Variants in SSC5D observed in about 807,000 individuals in gnomAD.
SSC5D encodes scavenger receptor cysteine rich family member with 5 domains.
Under a neutral mutation model 104.6 loss-of-function variants are expected in SSC5D, and 106 were observed. The observed-to-expected ratio is 1.01, with a 90% CI of 0.87 to 1.19. The LOEUF is 1.19. Ranked by LOEUF, SSC5D falls within the 50% of genes most tolerant of loss-of-function variation. The pLI is 0.00. For synonymous variants in SSC5D, 860 were observed against 883.5 expected (o/e 0.97, Z 0.47); for missense variants, 1,993 against 2,153.8 (o/e 0.93, Z 1.48).
intron 13 of SSC5D, among the ~76,000 whole-genome samples, chr19:55,514,852 G>A (rs1257930485): frequency 6.6e-6 from 1 of 152,064 alleles, no homozygotes; most frequent in Non-Finnish European, 1.5e-5. Context: ...GGAGATACGC[G>A]GATCATCCAC....
At chr19:55,510,438 T>G (rs1987730513) in intron 12 of SSC5D, among the ~76,000 whole-genome samples, 1 of 152,238 alleles carries the variant, frequency 6.6e-6, no homozygotes, top group African/African-American at 2.4e-5. Flanking sequence ...AACTTCCGCC[T>G]CCCAGGTTCA....
At chr19:55,514,323 T>G (rs1158394129) in intron 13 of SSC5D, among the ~76,000 whole-genome samples, 1 of 151,554 alleles carries the variant, frequency 6.6e-6, no homozygotes, top group African/African-American at 2.4e-5. Context: ...GAGAATGGCG[T>G]GAACCCAGGA....
chr19:55,493,827 CG>C lies in SSC5D; in HGVS notation c.1129del (p.Glu377ArgfsTer59). 6.5e-7 allele frequency: 1 copy of C among 1,549,444 alleles called. No homozygotes were observed. ...TGGACGACCTTCGGTGTCGGGGAAA[CG>C]AGACGGCCTTACGATTCTGCCCAGC... Reference protein sequence around the residue: ...ILDDLRCRGNETALRFCPARP... With the variant: ...ILDDLRCRGNXTALRFCPARP... On this transcript the variant is annotated frameshift_variant, in exon 7 of 14. Coordinates refer to ENST00000389623, the MANE Select transcript of SSC5D (RefSeq NM_001144950.2). LOFTEE classifies it high-confidence loss of function.
intron 12 of SSC5D, among the ~76,000 whole-genome samples, chr19:55,504,833 G>A (rs1987602733): frequency 6.6e-6 from 1 of 152,146 alleles, no homozygotes; most frequent in Non-Finnish European, 1.5e-5. Flanking sequence ...TGGGGCGCCA[G>A]GGTTGTTGGA....
Position 55,517,240 on chromosome 19 carries a change from G to A in SSC5D, c.2964G>A (p.Pro988=). The A allele has an allele frequency of 1.3e-6, 2 of 1,540,044 alleles. No individual in the cohort carries two copies. Among genetic ancestry groups the A allele is most frequent in the Admixed American group, 2.0e-5 (1 of 50,864 alleles). The stretch of plus-strand genomic sequence containing the variant: ...CTCCTCCAGGTTCCCCGAGGAAACC[G>A]TGGCCCGAGCGCCGGCCACCGCGGC... The part of the protein sequence containing the change: ...VHGDTGSPRK[P]WPERRPPRPA... Residue 988 remains proline, a synonymous_variant, in exon 14 of 14, where the codon CCG becomes CCA. Coordinates refer to ENST00000389623, the MANE Select transcript of SSC5D (RefSeq NM_001144950.2).
At chr19:55,507,339 CAAAAAAA>C (rs36021371) in intron 12 of SSC5D, among the ~76,000 whole-genome samples, 2 of 32,750 alleles carry the variant, frequency 6.1e-5, no homozygotes, top group African/African-American at 2.6e-4. Context: ...GACCCCGTCT[CAAAAAAA>C]AAAAAAAAAA....
intron 9 of SSC5D, among the ~76,000 whole-genome samples, chr19:55,499,354 C>G (rs1313061819): frequency 6.6e-6 from 1 of 152,226 alleles, no homozygotes. Flanking sequence ...CGGCTCTTCC[C>G]TCTGTCCCCG....
intron 12 of SSC5D, among the ~76,000 whole-genome samples, chr19:55,507,059 C>T (rs1355270108): frequency 4.6e-5 from 7 of 151,610 alleles, no homozygotes; most frequent in African/African-American, 1.5e-4. Context: ...ATCCCAGCTC[C>T]TCGGGAGGCT....
Position 55,500,446 on chromosome 19 carries a change from G to C in SSC5D, c.2302+34G>C, listed in dbSNP as rs1987457368. On this transcript the variant is annotated intron_variant, in intron 10 of 13. Transcript: ENST00000389623. The surrounding 1 kb of genome is among the most constrained non-coding windows in gnomAD (Gnocchi z 4.6). ...CCGTGAGGGGTGTGGGGAGAGAATG[G>C]GAGAGGCTGACCCTCCCTCCTGACC... 6.5e-7 allele frequency: 1 copy of C among 1,548,124 alleles called. No individual in the cohort carries two copies. Among genetic ancestry groups the C allele is most frequent in the Non-Finnish European group, 8.7e-7 (1 of 1,144,522 alleles).
rs1987579311 is a variant in SSC5D, at chr19:55,504,002, C to T, written c.2785+2801C>T. ...AGCTGGGCGAAGGGCAACCAGGCCC[C>T]AAGAAGCGGGCCTTGAGGTGGGGAA... On this transcript the variant is annotated intron_variant, in intron 12 of 13. Coordinates refer to ENST00000389623, the MANE Select transcript of SSC5D (RefSeq NM_001144950.2). 3.8e-6 allele frequency: 4 copies of T among 1,050,906 alleles called. 1 individual carries two copies. In the South Asian group the frequency reaches 6.5e-5, roughly 17 times the overall value. The allele number at this position is 1,050,906 out of a possible 1,614,324, so 65.1% of individuals were successfully genotyped here. A position where few individuals can be genotyped will look rare whatever the true frequency, so the allele number is the denominator to read the frequency against.
intron 12 of SSC5D, among the ~76,000 whole-genome samples, chr19:55,512,620 TA>T: frequency 6.6e-6 from 1 of 152,156 alleles, no homozygotes. Context: ...TAGCTGGGAT[TA>T]TAGGCGTGTG....
chr19:55,517,806 C>T lies in SSC5D; in HGVS notation c.3530C>T (p.Thr1177Ile), dbSNP rs768916582. The change falls in exon 14 of 14, where the codon ACC becomes ATC. Residue 1177 changes from threonine (T) to isoleucine (I), a missense_variant. Around this residue, in one of 6 missense-constraint regions of SSC5D, gnomAD observed 30 missense variants for 52.4 expected, o/e 0.57. Transcript: ENST00000389623. ...CCTACTGTGACCCCTCACTTCCCTA[C>T]CACCCCTCACCCCACCACGACCCCT... The part of the protein sequence containing the change: ...LNPTVTPHFP[T>I]TPHPTTTPHP... 1.3e-6 allele frequency: 2 copies of T among 1,545,672 alleles called. No individual in the cohort carries two copies. The highest frequency in any genetic ancestry group is 1.2e-5 in the South Asian group (1 of 83,704).
chr19:55,493,994 G>GGGGGGGGGGGGGT lies in SSC5D; in HGVS notation c.1213+82_1213+83insGGGGGGGGGGGGT. The GGGGGGGGGGGGGT allele has an allele frequency of 1.4e-4, 20 of 143,310 alleles. 2 individuals are homozygous for GGGGGGGGGGGGGT. The highest frequency in any genetic ancestry group is 2.0e-4 in the Non-Finnish European group (14 of 69,488). 8.9% of individuals were successfully genotyped at this position (143,310 alleles called of 1,614,324 possible). A position where few individuals can be genotyped will look rare whatever the true frequency, so the allele number is the denominator to read the frequency against. On this transcript the variant is annotated intron_variant, in intron 7 of 13. Transcript: ENST00000389623. ...GGGCAAGTTCGGCGGGGGCGGGGGG[G>GGGGGGGGGGGGGT]TCCCTACGCGCCCTTCCTGCCCTCT...
At chr19:55,504,477 C>T (rs1028107523) in intron 12 of SSC5D, among the ~76,000 whole-genome samples, 4 of 151,942 alleles carry the variant, frequency 2.6e-5, no homozygotes, top group Non-Finnish European at 4.4e-5. Context: ...TCTTTGAGTC[C>T]CCGTTTCTTA....
intron 2 of SSC5D, 154 bp downstream of exon 2, chr19:55,489,186 C>A: frequency 1.0e-6 from 1 of 985,514 alleles, no homozygotes; most frequent in South Asian, 1.9e-5. Context: ...CCCCAGGTGT[C>A]TGGCCGCATC....
At chr19:55,509,732 G>T (rs1490557988) in intron 12 of SSC5D, among the ~76,000 whole-genome samples, 1 of 150,548 alleles carries the variant, frequency 6.6e-6, no homozygotes, top group African/African-American at 2.4e-5. Context: ...GGTGGCAGGC[G>T]CCTGTAATCC....
At chr19:55,513,223 TAA>T (rs938690435) in intron 13 of SSC5D, 51 bp downstream of exon 13, 11 of 1,438,512 alleles carry the variant, frequency 7.6e-6, no homozygotes, top group Non-Finnish European at 1.0e-5. Flanking sequence ...TGTCCTGGGG[TAA>T]AGAGACAGAT....
At chr19:55,489,075 G>T in intron 2 of SSC5D, 43 bp downstream of exon 2, 1 of 867,474 alleles carries the variant, frequency 1.2e-6, no homozygotes, top group African/African-American at 4.0e-5. Flanking sequence ...CCCCCCCCCA[G>T]GCCTCCCCCT....
In SSC5D at chr19:55,518,004, C is replaced by T. The variant is rs199879378; in HGVS notation, c.3728C>T (p.Thr1243Met). The part of the protein sequence containing the change: ...TPHSTTPHPT[T>M]TPHPTTITHS... The stretch of plus-strand genomic sequence containing the variant: ...CACTCCACAACCCCTCACCCCACCA[C>T]GACCCCTCATCCCACCACCATCACT... The change falls in exon 14 of 14, where the codon ACG becomes ATG. Residue 1243 changes from threonine to methionine, a missense_variant. Thr to Met is a moderately conservative substitution (Grantham distance 81). Around this residue, in one of 6 missense-constraint regions of SSC5D, gnomAD observed 20 missense variants for 102.5 expected, o/e 0.20. Transcript: ENST00000389623. 4.4e-4 allele frequency: 665 copies of T among 1,518,424 alleles called. 32 individuals carry two copies. Among genetic ancestry groups the T allele is most frequent in the East Asian group, 2.6e-3 (102 of 39,758 alleles). The allele number at this position is 1,518,424 out of a possible 1,614,324, so 94.1% of individuals were successfully genotyped here.
Sources: allele counts gnomAD v4.1 joint callset (sites outside exome capture counted in the v4.1 genomes callset), GRCh38; gene constraint gnomAD v4.1.1; regional missense constraint gnomAD v4.1.1; non-coding constraint Gnocchi (gnomAD v3.1); transcripts MANE v1.5; gene names NCBI Gene and HGNC (gene_info 2026-07-23, HGNC 2026-07-21).